NOTCH2: variants seen among roughly 807,000 people sequenced by gnomAD.
NOTCH2 encodes the protein neurogenic locus notch homolog protein 2.
A neutral mutation model predicts 235.8 loss-of-function variants in NOTCH2; 29 were observed. The observed-to-expected ratio is 0.12, with a 90% CI of 0.09 to 0.17. The LOEUF is 0.17. Ranked by LOEUF, NOTCH2 falls within the 10% of genes least tolerant of loss-of-function variation. The pLI, the probability that NOTCH2 is intolerant of heterozygous loss-of-function variation, is 1.00. For synonymous variants in NOTCH2, 1,086 were observed against 1,141.5 expected (o/e 0.95, Z 0.98); for missense variants, 2,285 against 3,150.2 (o/e 0.73, Z 6.57).
chr1:119,978,060 G>C (rs782332562), intron 5 of NOTCH2, among the ~76,000 whole-genome samples: 11 of 152,194 alleles, frequency 7.2e-5, no homozygotes, highest in African/African-American at 1.2e-4. Context: ...TGGGAGTACA[G>C]AGTAGGGAGA....
intron 18 of NOTCH2, 140 bp from the exon 19 acceptor site, chr1:119,940,896 T>A: frequency 1.3e-6 from 1 of 768,346 alleles, no homozygotes; most frequent in Non-Finnish European, 2.3e-6. Context: ...TCTTACAAGC[T>A]AGATTGGGTG....
chr1:119,978,485 A>G (rs1651683089), intron 5 of NOTCH2, among the ~76,000 whole-genome samples: 2 of 152,236 alleles, frequency 1.3e-5, no homozygotes, highest in Admixed American at 1.3e-4. Flanking sequence ...CAAAAACTTC[A>G]AGAACTGCAG....
chr1:119,963,068 G>A (rs1650998114), intron 11 of NOTCH2, among the ~76,000 whole-genome samples: 1 of 152,090 alleles, frequency 6.6e-6, no homozygotes, highest in Non-Finnish European at 1.5e-5. Context: ...CCCCAAGATG[G>A]CTAAGGCCCC....
chr1:119,987,014 C>A lies in NOTCH2; in HGVS notation c.820G>T (p.Val274Phe). The A allele has an allele frequency of 6.2e-7, 1 of 1,613,780 alleles. No homozygotes were observed. Among genetic ancestry groups the A allele is most frequent in the Non-Finnish European group, 8.5e-7 (1 of 1,179,740 alleles). The change falls in exon 5 of 34, where the codon GTT becomes TTT. Residue 274 changes from valine to phenylalanine, a missense_variant. Around this residue, in one of 6 missense-constraint regions of NOTCH2, gnomAD observed 431 missense variants for 757.8 expected, o/e 0.57. Transcript: ENST00000256646. ...CPNHRCQNGG[V>F]CVDGVNTYNC... ...TAAGTGTTGACCCCATCCACACAAA[C>A]CCCTCCATTCTGACACCTGTGGTTA...
intron 1 of NOTCH2, among the ~76,000 whole-genome samples, chr1:120,045,986 T>C (rs1271084764): frequency 7.4e-4 from 112 of 152,344 alleles, no homozygotes; most frequent in Non-Finnish European, 1.3e-3. Flanking sequence ...AGTTAACATA[T>C]GCATACATGG....
chr1:119,969,048 T>C (rs1651259941), intron 6 of NOTCH2, among the ~76,000 whole-genome samples: 2 of 152,266 alleles, frequency 1.3e-5, no homozygotes, highest in Admixed American at 1.3e-4. Flanking sequence ...CTTTGTAGCA[T>C]GTAAAAATCT....
In NOTCH2 at chr1:119,940,622, G is replaced by A. The variant is rs61755044; in HGVS notation, c.3116C>T (p.Thr1039Met). Residue 1039 changes from threonine (T) to methionine (M), a missense_variant, in exon 19 of 34, where the codon ACG becomes ATG. This residue lies in a region of NOTCH2 where 1,173 missense variants were observed against 1,515.3 expected (regional missense o/e 0.77). Coordinates refer to ENST00000256646, the MANE Select transcript of NOTCH2 (RefSeq NM_024408.4). ...GTAGGTACCCAGGCCATCAACACACGTTCCCTCATTCAGGCATGGATGAGA... is the reference window on the plus strand; with the variant it reads ...GTAGGTACCCAGGCCATCAACACACATTCCCTCATTCAGGCATGGATGAGA... ...CSSHPCLNEG[T>M]CVDGLGTYRC... The A allele has an allele frequency of 9.9e-6, 16 of 1,614,034 alleles. No homozygotes were observed. Among genetic ancestry groups the A allele is most frequent in the East Asian group, 8.9e-5 (4 of 44,890 alleles).
chr1:119,935,808 T>C (rs1649829333), intron 21 of NOTCH2, among the ~76,000 whole-genome samples: 1 of 152,176 alleles, frequency 6.6e-6, no homozygotes, highest in Admixed American at 6.5e-5. Context: ...ATTTACCTAC[T>C]CCTCTTTCAG....
At chr1:119,929,284 CTTG>C in intron 22 of NOTCH2, 72 bp from the exon 23 acceptor site, 1 of 1,258,240 alleles carries the variant, frequency 7.9e-7, no homozygotes, top group Admixed American at 1.7e-5. Context: ...GATAACCACC[CTTG>C]TTGGCATTTT....
chr1:119,963,176 T>C (rs56216048), intron 11 of NOTCH2, among the ~76,000 whole-genome samples: 2 of 66,432 alleles, frequency 3.0e-5, no homozygotes, highest in South Asian at 5.4e-4. Context: ...AGAAGGAAGG[T>C]AGGTAGGAAG....
intron 17 of NOTCH2, among the ~76,000 whole-genome samples, chr1:119,945,876 C>G (rs113451347): frequency 2.0e-5 from 3 of 152,044 alleles, no homozygotes; most frequent in African/African-American, 7.2e-5. Flanking sequence ...ACCTGAATAA[C>G]ACTACCCTAT....
At position 119,937,991 on chromosome 1, in the gene NOTCH2, C is replaced by T; in HGVS notation, c.3203G>A (p.Ser1068Asn). ...KNCQTLVNLC[S>N]RSPCKNKGTC... ...ACCTTTGTTTTTACATGGAGACCGA[C>T]TGCAGAGATTCACCAGGGTCTGAAA... The change falls in exon 20 of 34, where the codon AGT becomes AAT. Residue 1068 changes from serine (S) to asparagine (N), a missense_variant. Transcript: ENST00000256646. 6.2e-7 allele frequency: 1 copy of T among 1,614,222 alleles called. No homozygotes were observed. The highest frequency in any genetic ancestry group is 1.3e-5 in the African/African-American group (1 of 75,060).
At chr1:119,937,774 A>C (rs1649911676) in intron 20 of NOTCH2, 83 bp downstream of exon 20, 14 of 1,537,896 alleles carry the variant, frequency 9.1e-6, no homozygotes, top group Non-Finnish European at 1.3e-5. Context: ...CTCTTATTCC[A>C]CAAAAAAATG....
chr1:120,024,968 C>G (rs3879986), intron 2 of NOTCH2, among the ~76,000 whole-genome samples: 1 of 149,932 alleles, frequency 6.7e-6, no homozygotes, highest in Admixed American at 6.7e-5. Flanking sequence ...TCAGAAAAAG[C>G]AAAGCAAACT....
Position 119,999,948 on chromosome 1 carries a change from A to G in NOTCH2, c.416-2616T>C, listed in dbSNP as rs868924992. On this transcript the variant is annotated intron_variant, in intron 3 of 33. Coordinates refer to ENST00000256646, the MANE Select transcript of NOTCH2 (RefSeq NM_024408.4). ...GAAAGAAAGAAAGAAAGAAAGAAAG[A>G]AAGAAAGAAAGAAAGAAAGAAAGAA... is the stretch of plus-strand genomic sequence containing the variant. Among the ~76,000 whole-genome samples, 307 of 129,286 alleles carry G rather than the reference A, an allele frequency of 2.4e-3. 3 individuals are homozygous for G. The highest frequency in any genetic ancestry group is 3.6e-3 in the Middle Eastern group (1 of 280). The allele number at this position is 129,286 out of a possible 152,430, so 84.8% of individuals were successfully genotyped here.
At chr1:119,917,171 A>C (rs1206122566) in intron 33 of NOTCH2, among the ~76,000 whole-genome samples, 1 of 151,948 alleles carries the variant, frequency 6.6e-6, no homozygotes, top group Non-Finnish European at 1.5e-5. Flanking sequence ...GGAAACAGTG[A>C]AAGAAGAGAC....
At chr1:119,979,243 A>G (rs1271877173) in intron 5 of NOTCH2, among the ~76,000 whole-genome samples, 1 of 152,194 alleles carries the variant, frequency 6.6e-6, no homozygotes, top group Non-Finnish European at 1.5e-5. Context: ...TTAAAAATCA[A>G]GAGAGATTTT....
At chr1:119,945,654 C>T (rs1650227166) in intron 17 of NOTCH2, among the ~76,000 whole-genome samples, 1 of 151,918 alleles carries the variant, frequency 6.6e-6, no homozygotes, top group South Asian at 2.1e-4. Context: ...GGGTCAATTC[C>T]TCAAAAGGAC....
At chr1:119,919,199 C>T (rs866738963) in intron 31 of NOTCH2, 113 bp downstream of exon 31, 13 of 1,199,736 alleles carry the variant, frequency 1.1e-5, no homozygotes, top group Middle Eastern at 2.7e-4. Flanking sequence ...AATACCTGCC[C>T]TAATCTCTCA....
Sources: allele counts gnomAD v4.1 joint callset (sites outside exome capture counted in the v4.1 genomes callset), GRCh38; gene constraint gnomAD v4.1.1; regional missense constraint gnomAD v4.1.1; transcripts MANE v1.5; gene names NCBI Gene and HGNC (gene_info 2026-07-23, HGNC 2026-07-21).